Variants in NDUFA8 observed in about 807,000 individuals in gnomAD.
NDUFA8 encodes NADH:ubiquinone oxidoreductase subunit A8.
A neutral mutation model predicts 20.9 loss-of-function variants in NDUFA8; 16 were observed. The observed-to-expected ratio is 0.77, with a 90% CI of 0.52 to 1.16. NDUFA8 has a LOEUF of 1.16. NDUFA8 is among the 50% of genes most tolerant of loss of function. NDUFA8 has a pLI of 0.00. For synonymous variants in NDUFA8, 70 were observed against 76.1 expected, an observed-to-expected ratio of 0.92 and a Z score of 0.41; for missense variants, 202 against 216.4, an observed-to-expected ratio of 0.93 and a Z score of 0.42.
At chr9:122,135,211 T>G in the NDUFA8 span, among the ~76,000 whole-genome samples, 75 of 152,292 alleles carry the variant, frequency 4.9e-4, no homozygotes, top group Admixed American at 1.3e-3. Context: ...CTTGTCAGTC[T>G]GAGGGGTCCC....
chr9:122,150,971 C>CAAAAAAA (rs71508152), intron 2 of NDUFA8, among the ~76,000 whole-genome samples: 3 of 50,422 alleles, frequency 5.9e-5, no homozygotes, highest in Non-Finnish European at 3.2e-5. Context: ...GACTCCGTCT[C>CAAAAAAA]AAAAAAAAAA....
intron 1 of NDUFA8, among the ~76,000 whole-genome samples, chr9:122,154,492 T>C (rs1173200452): frequency 6.6e-6 from 1 of 152,244 alleles, no homozygotes; most frequent in Non-Finnish European, 1.5e-5. Flanking sequence ...AGTTTTTCTA[T>C]TAGACTTTCA....
rs1829078277 is a variant in NDUFA8 at position 122,156,547 on chromosome 9, T to C, written c.51+3080A>G. On this transcript the variant is annotated intron_variant, in intron 1 of 3. Transcript: ENST00000373768. The stretch of plus-strand genomic sequence containing the variant: ...GCACACCATAAATATTAGCTATTTT[T>C]ATTTTTACTCAAAATTATCAAATGT... 1.3e-5 allele frequency among the ~76,000 whole-genome samples: 2 copies of C among 151,460 alleles called. 1 individual carries two copies. Among genetic ancestry groups the C allele is most frequent in the Admixed American group, 1.3e-4 (2 of 15,280 alleles).
Position 122,147,962 on chromosome 9 carries a change from T to C in NDUFA8, c.381+150A>G, listed in dbSNP as rs548244540. ...TATTTTTAAAAATTCCTTTCTGGAT[T>C]GTGTATAATCACTGCCTAATTAATA... is the stretch of plus-strand genomic sequence containing the variant. On this transcript the variant is annotated intron_variant, in intron 3 of 3. Transcript: ENST00000373768. 4.0e-4 allele frequency: 394 copies of C among 984,460 alleles called. 13 individuals carry two copies. In the South Asian group the frequency reaches 5.2e-3, roughly 13 times the overall value. The allele number at this position is 984,460 out of a possible 1,614,324, so 61.0% of individuals were successfully genotyped here.
At chr9:122,137,795 T>C in the NDUFA8 span, among the ~76,000 whole-genome samples, 4 of 152,210 alleles carry the variant, frequency 2.6e-5, no homozygotes, top group Non-Finnish European at 4.4e-5. Flanking sequence ...GGAAAAGAGC[T>C]TGGATACCTA....
chr9:122,149,456 C>T (rs1351679676), intron 2 of NDUFA8, among the ~76,000 whole-genome samples: 26 of 152,302 alleles, frequency 1.7e-4, no homozygotes, highest in Non-Finnish European at 4.4e-5. Flanking sequence ...GGCTGCAAGC[C>T]ACTACTCTAG....
At position 122,151,785 on chromosome 9, in the gene NDUFA8, G is replaced by GT. The variant is rs4147664; in HGVS notation, c.215+459dup. Among the ~76,000 whole-genome samples the GT allele has an allele frequency of 9.6e-5, 14 of 146,040 alleles. 1 individual carries two copies. Among genetic ancestry groups the GT allele is most frequent in the South Asian group, 8.5e-4 (4 of 4,690 alleles). On this transcript the variant is annotated intron_variant, in intron 2 of 3. Coordinates refer to ENST00000373768, the MANE Select transcript of NDUFA8 (RefSeq NM_014222.3). ...CATTTTCCTACAATTACACAGCTTA[G>GT]TTTTTTTTTACTTAAGTATCATGCA...
At chr9:122,155,355 A>C (rs1461201818) in intron 1 of NDUFA8, among the ~76,000 whole-genome samples, 1 of 152,270 alleles carries the variant, frequency 6.6e-6, no homozygotes, top group Non-Finnish European at 1.5e-5. Context: ...CTGGGATTAT[A>C]GGCGTGGGCC....
At chr9:122,136,361 G>A in the NDUFA8 span, among the ~76,000 whole-genome samples, 1 of 152,180 alleles carries the variant, frequency 6.6e-6, no homozygotes, top group Admixed American at 6.5e-5. Context: ...TGTAGCATAG[G>A]AGAGTATGCA....
chr9:122,136,554 C>T, the NDUFA8 span, among the ~76,000 whole-genome samples: 2 of 151,208 alleles, frequency 1.3e-5, no homozygotes, highest in Non-Finnish European at 2.9e-5. Flanking sequence ...TCATAGCGTT[C>T]GTAGATTTTT....
At chr9:122,155,488 CTA>C (rs1829065097) in intron 1 of NDUFA8, among the ~76,000 whole-genome samples, 2 of 152,164 alleles carry the variant, frequency 1.3e-5, no homozygotes, top group South Asian at 4.1e-4. Flanking sequence ...AAAGTTATGA[CTA>C]TGTCTATTAA....
chr9:122,154,942 G>A (rs553147325), intron 1 of NDUFA8, among the ~76,000 whole-genome samples: 98 of 152,276 alleles, frequency 6.4e-4, no homozygotes, highest in African/African-American at 1.6e-3. Context: ...AGCATTAACA[G>A]ATTTTGTAAA....
rs1323921993 is a variant in NDUFA8 at position 122,144,333 on chromosome 9, G to C, written c.427C>G (p.His143Asp). 2 of 1,614,068 alleles carry C rather than the reference G, an allele frequency of 1.2e-6. No homozygotes were observed. The highest frequency in any genetic ancestry group is 2.7e-5 in the African/African-American group (2 of 74,926). Residue 143 changes from histidine to aspartate, a missense_variant, in exon 4 of 4, where the codon CAC (histidine) becomes GAC (aspartate). Transcript: ENST00000373768. ...CTGGGATCCGGTCTTGGTCTTGAGT[G>C]ATAGGGATTCTCCGGTAAAGGTCGA... is the stretch of plus-strand genomic sequence containing the variant. The part of the protein sequence containing the change: ...TDRPLPENPY[H>D]SRPRPDPSPE...
In NDUFA8 at chr9:122,152,752, G is replaced by A. The variant is rs139048489; in HGVS notation, c.52-344C>T. On this transcript the variant is annotated intron_variant, in intron 1 of 3. Coordinates refer to ENST00000373768, the MANE Select transcript of NDUFA8 (RefSeq NM_014222.3). ...TAAAATCTATGGTGATTTAGAGAAC[G>A]CAAAGCTCTTTCACATATATTATTT... Among the ~76,000 whole-genome samples the A allele has an allele frequency of 1.4e-3, 218 of 152,116 alleles. 1 individual carries two copies. Among genetic ancestry groups the A allele is most frequent in the Non-Finnish European group, 1.5e-3 (103 of 67,998 alleles).
chr9:122,152,338 T>C lies in NDUFA8; in HGVS notation c.122A>G (p.Lys41Arg), dbSNP rs1198429221. Residue 41 changes from lysine (K) to arginine (R), a missense_variant, in exon 2 of 4, where the codon AAG becomes AGG. Coordinates refer to ENST00000373768, the MANE Select transcript of NDUFA8 (RefSeq NM_014222.3). ...HYGAQCDKPNKEFMLCRWEEK... is the reference protein window; with the variant it reads ...HYGAQCDKPNREFMLCRWEEK... The stretch of plus-strand genomic sequence containing the variant: ...TTCCCAGCGGCAGAGCATAAACTCC[T>C]TGTTGGGCTTATCACATTGAGCTCC... 3 of 1,614,034 alleles carry C rather than the reference T, an allele frequency of 1.9e-6. No homozygotes were observed. The highest frequency in any genetic ancestry group is 2.5e-6 in the Non-Finnish European group (3 of 1,180,038).
downstream of NDUFA8, chr9:122,144,056 C>T (rs773797602): frequency 1.0e-4 from 151 of 1,450,670 alleles, no homozygotes; most frequent in South Asian, 2.2e-4. Flanking sequence ...AAAATACAAC[C>T]GTTTCCTTTA....
chr9:122,152,261 C>T lies in NDUFA8; in HGVS notation c.199G>A (p.Ala67Thr), dbSNP rs749556641. 6.2e-7 allele frequency: 1 copy of T among 1,614,196 alleles called. No individual in the cohort carries two copies. Among genetic ancestry groups the T allele is most frequent in the Non-Finnish European group, 8.5e-7 (1 of 1,180,044 alleles). ...LEEGKLVNKC[A>T]LDFFRQIKRH... ...GATTTTTACCTAAAGAAGTCCAAAGCACACTTGTTGACCAGTTTGCCTTCC... is the reference window on the plus strand; with the variant it reads ...GATTTTTACCTAAAGAAGTCCAAAGTACACTTGTTGACCAGTTTGCCTTCC... Residue 67 changes from alanine (A) to threonine (T), a missense_variant, in exon 2 of 4, where the codon GCT becomes ACT. Coordinates refer to ENST00000373768, the MANE Select transcript of NDUFA8 (RefSeq NM_014222.3).
downstream of NDUFA8, among the ~76,000 whole-genome samples, chr9:122,141,162 C>G (rs1389368661): frequency 6.6e-6 from 1 of 152,110 alleles, no homozygotes; most frequent in Non-Finnish European, 1.5e-5. Flanking sequence ...AGAGTATAGG[C>G]TACATAAGAA....
chr9:122,150,971 CAAAAAA>C (rs71508152), intron 2 of NDUFA8, among the ~76,000 whole-genome samples: 16 of 50,416 alleles, frequency 3.2e-4, no homozygotes, highest in Non-Finnish European at 5.1e-4. Context: ...GACTCCGTCT[CAAAAAA>C]AAAAAAAAAA....
Sources: gnomAD v4.1 joint callset for allele counts (sites outside exome capture counted in the v4.1 genomes callset) on GRCh38, gnomAD v4.1.1 for gene constraint, MANE v1.5 for transcripts, NCBI Gene and HGNC (gene_info 2026-07-23, HGNC 2026-07-21) for gene names.